The following CNTN5 variants were observed in gnomAD, a reference collection of about 807,000 sequenced individuals.
CNTN5 encodes contactin 5, also known as contactin-5.
A neutral mutation model predicts 129.1 loss-of-function variants in CNTN5; 77 were observed. That is an observed-to-expected ratio of 0.60 (90% CI 0.50 to 0.72). The LOEUF (loss-of-function observed/expected upper bound fraction) is 0.72, where lower values mean the gene tolerates loss of function less well. Among genes scored for constraint, CNTN5 ranks in the 30% least tolerant of loss-of-function variants. The pLI is 0.00. For synonymous variants in CNTN5, 509 were observed against 465.6 expected (o/e 1.09, Z -1.20); for missense variants, 1,478 against 1,328.8 (o/e 1.11, Z -1.75).
intron 3 of CNTN5, among the ~76,000 whole-genome samples, chr11:99,673,807 T>C (rs1565413364): frequency 6.6e-6 from 1 of 152,200 alleles, no homozygotes; most frequent in Non-Finnish European, 1.5e-5. Flanking sequence ...CTGCATAGCA[T>C]TCCATGTTGT....
Position 99,807,176 on chromosome 11 carries a change from C to A in CNTN5, c.56-12368C>A, listed in dbSNP as rs1166352458. Among the ~76,000 whole-genome samples the A allele has an allele frequency of 2.0e-5, 3 of 151,850 alleles. No homozygotes were observed. The East Asian group carries it at 5.8e-4, about 29-fold the overall frequency. On this transcript the variant is annotated intron_variant, in intron 3 of 24. Coordinates refer to ENST00000524871, the MANE Select transcript of CNTN5 (RefSeq NM_014361.4). ...TAAAAAAAAGATAATAGATCTTAGC[C>A]ATCATCTAATAAAATGGTATGCAAA... is the stretch of plus-strand genomic sequence containing the variant.
At chr11:100,201,915 A>G (rs1234125939) in intron 15 of CNTN5, among the ~76,000 whole-genome samples, 1 of 151,994 alleles carries the variant, frequency 6.6e-6, no homozygotes, top group East Asian at 1.9e-4. Context: ...CTCATGCTCA[A>G]TGCATAGAGA....
chr11:99,186,749 AC>A (rs1441167726), intron 1 of CNTN5, among the ~76,000 whole-genome samples: 1 of 151,950 alleles, frequency 6.6e-6, no homozygotes, highest in East Asian at 1.9e-4. Flanking sequence ...GTAAAATAAG[AC>A]CAGAGGGAAG....
At chr11:99,316,486 G>C (rs1362197012) in intron 1 of CNTN5, among the ~76,000 whole-genome samples, 1 of 151,908 alleles carries the variant, frequency 6.6e-6, no homozygotes, top group African/African-American at 2.4e-5. Flanking sequence ...GGTAATGATC[G>C]CTGAGACTCA....
At chr11:99,055,750 A>G (rs1282176845) in intron 1 of CNTN5, among the ~76,000 whole-genome samples, 1 of 151,992 alleles carries the variant, frequency 6.6e-6, no homozygotes, top group Non-Finnish European at 1.5e-5. Flanking sequence ...TCCCAAATGC[A>G]TGCTGCCCCT....
intron 2 of CNTN5, among the ~76,000 whole-genome samples, chr11:99,331,356 A>G (rs1865991614): frequency 1.3e-5 from 2 of 152,172 alleles, no homozygotes; most frequent in Admixed American, 6.6e-5. Flanking sequence ...AGAATGCCAT[A>G]CAATAAATAA....
At chr11:100,238,087 T>C (rs372859096) in intron 16 of CNTN5, among the ~76,000 whole-genome samples, 16 of 152,268 alleles carry the variant, frequency 1.1e-4, no homozygotes, top group African/African-American at 3.6e-4. Context: ...GGTGCATAAA[T>C]TCAAGGTGAG....
At chr11:99,318,849 T>C (rs1865450529) in intron 1 of CNTN5, among the ~76,000 whole-genome samples, 1 of 152,218 alleles carries the variant, frequency 6.6e-6, no homozygotes, top group Non-Finnish European at 1.5e-5. Flanking sequence ...AATGGTTCAC[T>C]ACAAGACAAT....
intron 1 of CNTN5, among the ~76,000 whole-genome samples, chr11:99,253,352 C>G (rs1862210744): frequency 6.6e-6 from 1 of 152,062 alleles, no homozygotes; most frequent in South Asian, 2.1e-4. Context: ...TACCCAGTCT[C>G]AGATATGTCT....
chr11:100,304,911 C>A (rs890168098), intron 20 of CNTN5, among the ~76,000 whole-genome samples: 1 of 151,140 alleles, frequency 6.6e-6, no homozygotes, highest in Non-Finnish European at 1.5e-5. Context: ...CACAGCAGAG[C>A]CTCAATAAAT....
chr11:99,727,321 A>AAAAAAAAAAAAAAAAAAAG (rs1319837016), intron 3 of CNTN5, among the ~76,000 whole-genome samples: 6 of 123,472 alleles, frequency 4.9e-5, no homozygotes, highest in African/African-American at 1.2e-4. Flanking sequence ...TCAAAAAAAA[A>AAAAAAAAAAAAAAAAAAAG]AAAAAAAAAA....
intron 3 of CNTN5, among the ~76,000 whole-genome samples, chr11:99,789,005 A>G (rs1945639592): frequency 6.6e-6 from 1 of 151,832 alleles, no homozygotes; most frequent in Non-Finnish European, 1.5e-5. Context: ...TTAAAATTAT[A>G]TTGTAAAAAT....
chr11:100,002,044 A>C lies in CNTN5; in HGVS notation c.888A>C (p.Gly296=). Residue 296 remains glycine (G), a synonymous_variant, in exon 9 of 25, where the codon GGA becomes GGC. Coordinates refer to ENST00000524871, the MANE Select transcript of CNTN5 (RefSeq NM_014361.4). Reference sequence around the variant, plus strand: ...TTCTTTCTTTCTAAGGTGTGATGGGAGAATATGAGCCGAAAATTGAGGTCC... The same window carrying C: ...TTCTTTCTTTCTAAGGTGTGATGGGCGAATATGAGCCGAAAATTGAGGTCC... The part of the protein sequence containing the change: ...PLTLRNDGVM[G]EYEPKIEVHF... 6.3e-7 allele frequency: 1 copy of C among 1,591,880 alleles called. No homozygotes were observed. Among genetic ancestry groups the C allele is most frequent in the Non-Finnish European group, 8.5e-7 (1 of 1,171,700 alleles).
At chr11:100,256,123 C>T (rs1950065063) in intron 17 of CNTN5, among the ~76,000 whole-genome samples, 1 of 152,142 alleles carries the variant, frequency 6.6e-6, no homozygotes. Context: ...CAAAGAGGAA[C>T]TATATCATGT....
At chr11:100,334,884 A>G (rs1244631087) in intron 21 of CNTN5, among the ~76,000 whole-genome samples, 2 of 152,062 alleles carry the variant, frequency 1.3e-5, no homozygotes, top group Admixed American at 6.6e-5. Flanking sequence ...TAAAGAACCT[A>G]TCTATATAAT....
At chr11:99,651,044 G>T (rs1952136097) in intron 3 of CNTN5, among the ~76,000 whole-genome samples, 1 of 151,882 alleles carries the variant, frequency 6.6e-6, no homozygotes, top group Non-Finnish European at 1.5e-5. Context: ...CTCAATATAT[G>T]CTCCAACTTA....
intron 1 of CNTN5, among the ~76,000 whole-genome samples, chr11:99,119,345 T>A (rs1234866928): frequency 6.6e-6 from 1 of 152,160 alleles, no homozygotes. Flanking sequence ...TATGTCCATG[T>A]CTTCTCATCA....
At chr11:99,566,696 T>C (rs1006918897) in intron 3 of CNTN5, among the ~76,000 whole-genome samples, 1 of 152,146 alleles carries the variant, frequency 6.6e-6, no homozygotes, top group Admixed American at 6.6e-5. Flanking sequence ...TCCTGACTGG[T>C]GTAATAGAGA....
At chr11:99,677,767 G>A (rs139709482) in intron 3 of CNTN5, among the ~76,000 whole-genome samples, 1 of 152,176 alleles carries the variant, frequency 6.6e-6, no homozygotes, top group African/African-American at 2.4e-5. Context: ...ATAAATACGT[G>A]TATGTACCTA....
Sources: gnomAD v4.1 joint callset for allele counts (sites outside exome capture counted in the v4.1 genomes callset) on GRCh38, gnomAD v4.1.1 for gene constraint, MANE v1.5 for transcripts, NCBI Gene and HGNC (gene_info 2026-07-23, HGNC 2026-07-21) for gene names.